Variants in PINX1 observed in about 807,000 individuals in gnomAD.
PINX1 encodes PIN2/TERF1-interacting telomerase inhibitor 1.
In PINX1, 34 loss-of-function variants were observed where a neutral mutation model predicts 25.4. That is an observed-to-expected ratio of 1.34 (90% CI 1.02 to 1.78). The LOEUF (loss-of-function observed/expected upper bound fraction) is 1.78, where lower values mean the gene tolerates loss of function less well. PINX1 is among the 40% of genes most tolerant of loss of function. PINX1 has a pLI of 0.00. For missense variants in PINX1, 592 were observed against 404.9 expected (o/e 1.46, Z -3.97); for synonymous variants, 197 against 147.7 (o/e 1.33, Z -2.42).
intron 6 of PINX1, among the ~76,000 whole-genome samples, chr8:10,812,632 T>A (rs565964164): frequency 4.6e-5 from 7 of 152,336 alleles, no homozygotes; most frequent in Admixed American, 6.5e-5. Context: ...TCCATCTGTT[T>A]CTGTGCATAA....
Position 10,783,001 on chromosome 8 carries a change from T to C in PINX1, c.472-17085A>G, listed in dbSNP as rs76069961. On this transcript the variant is annotated intron_variant, in intron 6 of 6. Coordinates refer to ENST00000314787, the MANE Select transcript of PINX1 (RefSeq NM_017884.6). ...ATCTACTAATAAGGGGAAACACACA[T>C]TCCAAATTTCATTCTAAAAATGAAA... 1.8e-3 allele frequency among the ~76,000 whole-genome samples: 267 copies of C among 152,270 alleles called. 6 individuals are homozygous for C. In the East Asian group the frequency reaches 0.046, roughly 26 times the overall value.
rs144290102 is a variant in PINX1, at chr8:10,825,177, A to G, written c.394+975T>C. On this transcript the variant is annotated intron_variant, in intron 5 of 6. Transcript: ENST00000314787. ...CTCCTGGCCCTAAATGAAAAGCATCATCAATACTTCAGAGTAGTGGGGATT... is the reference window on the plus strand; with the variant it reads ...CTCCTGGCCCTAAATGAAAAGCATCGTCAATACTTCAGAGTAGTGGGGATT... Among the ~76,000 whole-genome samples, 34 of 152,316 alleles carry G rather than the reference A, an allele frequency of 2.2e-4. No individual in the cohort carries two copies. In the East Asian group the frequency reaches 5.4e-3, roughly 24 times the overall value.
intron 5 of PINX1, chr8:10,821,717 C>A (rs544855877): frequency 6.6e-6 from 1 of 152,328 alleles, no homozygotes; most frequent in East Asian, 1.9e-4. Flanking sequence ...ATGCAAAGCA[C>A]AGTTTGTACT....
At chr8:10,833,326 G>A (rs1202359534) in intron 2 of PINX1, among the ~76,000 whole-genome samples, 3 of 152,176 alleles carry the variant, frequency 2.0e-5, no homozygotes, top group Admixed American at 6.5e-5. Context: ...CATAACCTAC[G>A]GGAGGAATTT....
intron 6 of PINX1, among the ~76,000 whole-genome samples, chr8:10,789,900 G>C (rs764451983): frequency 1.2e-4 from 18 of 152,090 alleles, no homozygotes; most frequent in African/African-American, 4.1e-4. Context: ...GGTTTCTCTA[G>C]AGTGGACAGG....
chr8:10,797,569 G>A (rs1435800582), intron 6 of PINX1, among the ~76,000 whole-genome samples: 2 of 152,190 alleles, frequency 1.3e-5, no homozygotes, highest in Admixed American at 6.5e-5. Flanking sequence ...AGGAATATAT[G>A]TAAGCCACTA....
At chr8:10,813,755 C>T (rs1033022754) in intron 6 of PINX1, among the ~76,000 whole-genome samples, 2 of 152,064 alleles carry the variant, frequency 1.3e-5, no homozygotes, top group Non-Finnish European at 2.9e-5. Context: ...ATGCCAGAAG[C>T]ATGCTAGACA....
chr8:10,827,373 G>C (rs899925117), intron 4 of PINX1, among the ~76,000 whole-genome samples: 1 of 152,142 alleles, frequency 6.6e-6, no homozygotes, highest in African/African-American at 2.4e-5. Flanking sequence ...CATCCGAGTG[G>C]TAACGCCTTT....
intron 6 of PINX1, among the ~76,000 whole-genome samples, chr8:10,803,822 T>C (rs1478194429): frequency 6.6e-6 from 1 of 152,196 alleles, no homozygotes; most frequent in Non-Finnish European, 1.5e-5. Context: ...ACTATGAAAG[T>C]GAATTTTGTA....
intron 4 of PINX1, among the ~76,000 whole-genome samples, chr8:10,829,103 T>G (rs1417142728): frequency 1.3e-5 from 2 of 151,996 alleles, no homozygotes; most frequent in South Asian, 2.1e-4. Flanking sequence ...CTGACCAACA[T>G]GGTGAAACCC....
chr8:10,825,155 C>T (rs1273526079), intron 5 of PINX1, among the ~76,000 whole-genome samples: 2 of 152,222 alleles, frequency 1.3e-5, no homozygotes, highest in African/African-American at 4.8e-5. Flanking sequence ...TTTTGGGCTC[C>T]TGGCCCTAAA....
intron 4 of PINX1, among the ~76,000 whole-genome samples, chr8:10,829,087 A>C (rs1002418093): frequency 1.3e-5 from 2 of 152,136 alleles, no homozygotes; most frequent in Admixed American, 6.5e-5. Context: ...GGAGTTGGAG[A>C]CCAGCCTGAC....
intron 5 of PINX1, among the ~76,000 whole-genome samples, chr8:10,824,171 T>A (rs1393226255): frequency 1.3e-5 from 2 of 152,182 alleles, no homozygotes; most frequent in East Asian, 3.8e-4. Context: ...TACAAATGTA[T>A]CCACATTTTA....
chr8:10,772,281 G>A (rs957638763), intron 6 of PINX1, among the ~76,000 whole-genome samples: 1 of 152,242 alleles, frequency 6.6e-6, no homozygotes, highest in African/African-American at 2.4e-5. Flanking sequence ...TATCTTAGCT[G>A]AAAACAACCT....
intron 5 of PINX1, among the ~76,000 whole-genome samples, chr8:10,822,870 A>G (rs1797920309): frequency 6.6e-6 from 1 of 152,236 alleles, no homozygotes; most frequent in South Asian, 2.1e-4. Flanking sequence ...AAAACACTTA[A>G]GGTTTATGTA....
At chr8:10,817,247 T>C (rs1797726297) in intron 6 of PINX1, among the ~76,000 whole-genome samples, 1 of 152,156 alleles carries the variant, frequency 6.6e-6, no homozygotes, top group Non-Finnish European at 1.5e-5. Flanking sequence ...AGCAACACCT[T>C]GGCCTCTGCA....
chr8:10,807,815 C>T (rs1198070297), intron 6 of PINX1, among the ~76,000 whole-genome samples: 1 of 152,100 alleles, frequency 6.6e-6, no homozygotes, highest in Non-Finnish European at 1.5e-5. Flanking sequence ...CACAGAGGAG[C>T]TAAAAGGAGC....
chr8:10,766,105 C>T (rs992388843), intron 6 of PINX1, among the ~76,000 whole-genome samples, 189 bp from the exon 7 acceptor site: 10 of 152,108 alleles, frequency 6.6e-5, no homozygotes, highest in African/African-American at 9.7e-5. Flanking sequence ...CCCTTCTGGT[C>T]GGCCTGAACT....
chr8:10,814,036 G>A (rs1028092107), intron 6 of PINX1, among the ~76,000 whole-genome samples: 8 of 152,110 alleles, frequency 5.3e-5, no homozygotes, highest in Non-Finnish European at 7.4e-5. Flanking sequence ...CACAGGCCCC[G>A]GCAGGCACCG....
Sources: allele counts gnomAD v4.1 joint callset (sites outside exome capture counted in the v4.1 genomes callset), GRCh38; gene constraint gnomAD v4.1.1; transcripts MANE v1.5; gene names NCBI Gene and HGNC (gene_info 2026-07-23, HGNC 2026-07-21).